RGL1: variants seen among roughly 807,000 people sequenced by gnomAD.
RGL1 encodes ral guanine nucleotide dissociation stimulator like 1.
Under a neutral mutation model 95.2 loss-of-function variants are expected in RGL1, and 24 were observed. The observed-to-expected ratio is 0.25, with a 90% confidence interval of 0.18 to 0.35. The LOEUF is 0.35. Ranked by LOEUF, RGL1 falls within the 10% of genes least tolerant of loss-of-function variation. The probability of loss-of-function intolerance (pLI) is 1.00; values close to 1 mark genes in which losing one functional copy is unlikely to be tolerated. For missense variants in RGL1, 715 were observed against 936.3 expected (o/e 0.76, Z 3.08); for synonymous variants, 329 against 344.9 (o/e 0.95, Z 0.51).
intron 2 of RGL1, among the ~76,000 whole-genome samples, chr1:183,818,573 A>G (rs568323382): frequency 7.4e-6 from 1 of 135,358 alleles, no homozygotes; most frequent in African/African-American, 2.8e-5. Flanking sequence ...GCTGTATTAC[A>G]GCACTTATCA....
rs80229786 is a variant in RGL1, at chr1:183,808,040, A to C, written c.138+1555A>C. 2.6e-3 allele frequency among the ~76,000 whole-genome samples: 394 copies of C among 152,226 alleles called. 2 individuals are homozygous for C. Among genetic ancestry groups the C allele is most frequent in the African/African-American group, 9.0e-3 (374 of 41,518 alleles). ...CATTACATTTTTTTGGTATCAGGTT[A>C]TTCCTCTCTTTCTAATGAGACTGAC... On this transcript the variant is annotated intron_variant, in intron 2 of 17. Transcript: ENST00000360851.
chr1:183,753,877 C>T (rs1475567385), intron 2 of RGL1, among the ~76,000 whole-genome samples: 1 of 151,656 alleles, frequency 6.6e-6, no homozygotes, highest in African/African-American at 2.4e-5. Flanking sequence ...TCTCAGTGTA[C>T]TATCTGTTGT....
intron 2 of RGL1, among the ~76,000 whole-genome samples, chr1:183,764,615 C>A (rs1284693907): frequency 2.0e-5 from 3 of 152,104 alleles, no homozygotes; most frequent in African/African-American, 7.2e-5. Flanking sequence ...TGGTTCCAGT[C>A]CTGATCTTTC....
rs1650442287 is a variant in RGL1, at chr1:183,648,149, A to C, written c.-33+11648A>C. 2 of 1,614,204 alleles carry C rather than the reference A, an allele frequency of 1.2e-6. No individual in the cohort carries two copies. Among genetic ancestry groups the C allele is most frequent in the Non-Finnish European group, 1.7e-6 (2 of 1,180,018 alleles). ...GTGCTCTCCCAGTTAAAATGGGCTGAAAAACATGTGATCCTGAGACACCAC... is the reference window on the plus strand; with the variant it reads ...GTGCTCTCCCAGTTAAAATGGGCTGCAAAACATGTGATCCTGAGACACCAC... On this transcript the variant is annotated intron_variant, in intron 1 of 18. Transcript: ENST00000304685.
At chr1:183,817,507 C>G (rs1213453339) in intron 2 of RGL1, among the ~76,000 whole-genome samples, 1 of 152,096 alleles carries the variant, frequency 6.6e-6, no homozygotes, top group Admixed American at 6.6e-5. Flanking sequence ...TTTGGCTGCT[C>G]GGCCACAAAT....
At chr1:183,647,613 C>T in intron 1 of RGL1, 1 of 1,499,312 alleles carries the variant, frequency 6.7e-7, no homozygotes, top group Admixed American at 2.2e-5. Flanking sequence ...AGAAAGTTTC[C>T]AGATTTTTAT....
intron 2 of RGL1, among the ~76,000 whole-genome samples, chr1:183,819,758 T>TAA (rs1193062538): frequency 6.6e-6 from 1 of 151,896 alleles, no homozygotes; most frequent in Non-Finnish European, 1.5e-5. Flanking sequence ...ATGCCATTCT[T>TAA]AAAAGAGTGT....
At chr1:183,802,980 T>TA (rs1661078724), upstream of RGL1, among the ~76,000 whole-genome samples, 1 of 152,230 alleles carries the variant, frequency 6.6e-6, no homozygotes, top group Non-Finnish European at 1.5e-5. Context: ...AATAAGGTAA[T>TA]ATGGACTGAA....
At chr1:183,709,788 G>C (rs1655151480) in intron 1 of RGL1, 1 of 208,932 alleles carries the variant, frequency 4.8e-6, no homozygotes, top group Non-Finnish European at 1.0e-5. Context: ...GCTAGTTGTT[G>C]ATCTTGACTT....
At chr1:183,689,112 T>G (rs78387249) in intron 1 of RGL1, among the ~76,000 whole-genome samples, 1,897 of 152,284 alleles carry the variant, frequency 0.012, 46 homozygotes, top group African/African-American at 0.044. Flanking sequence ...GAATGTTGAG[T>G]CAGCCACGTG....
At chr1:183,700,154 A>G (rs1304741583) in intron 1 of RGL1, among the ~76,000 whole-genome samples, 1 of 152,160 alleles carries the variant, frequency 6.6e-6, no homozygotes, top group Non-Finnish European at 1.5e-5. Context: ...GTAATAGGGA[A>G]TTGCCCACCC....
intron 4 of RGL1, among the ~76,000 whole-genome samples, chr1:183,878,390 G>T (rs2102631038): frequency 6.6e-6 from 1 of 151,696 alleles, no homozygotes; most frequent in South Asian, 2.1e-4. Flanking sequence ...TAGAGATGGG[G>T]TTTCGCCACG....
At chr1:183,782,796 T>C (rs1470840462) in intron 2 of RGL1, among the ~76,000 whole-genome samples, 1 of 152,158 alleles carries the variant, frequency 6.6e-6, no homozygotes, top group Non-Finnish European at 1.5e-5. Context: ...AAAGTAATGA[T>C]GCACAGTCTC....
At chr1:183,680,068 G>GT (rs1468486552) in intron 1 of RGL1, among the ~76,000 whole-genome samples, 1 of 152,050 alleles carries the variant, frequency 6.6e-6, no homozygotes, top group South Asian at 2.1e-4. Flanking sequence ...GGGGTTGTTT[G>GT]TTTTTTTCTT....
chr1:183,928,130 T>C lies in RGL1; in HGVS notation c.*1838T>C, dbSNP rs557803409. ...CAGCCCTCATGCAGGTTGAAGTATA[T>C]GTAGCCTCAGCCTGATATTCTTGGT... On this transcript the variant is annotated 3_prime_UTR_variant, in exon 18 of 18. Coordinates refer to ENST00000360851, the MANE Select transcript of RGL1 (RefSeq NM_001297671.3). 123 of 152,052 alleles carry C rather than the reference T, an allele frequency of 8.1e-4. No homozygotes were observed. The highest frequency in any genetic ancestry group is 2.8e-3 in the African/African-American group (115 of 41,318). The allele number at this position is 152,052 out of a possible 1,614,324, so 9.4% of individuals were successfully genotyped here. A position where few individuals can be genotyped will look rare whatever the true frequency, so the allele number is the denominator to read the frequency against.
chr1:183,789,629 T>C (rs1243060413), intron 2 of RGL1, among the ~76,000 whole-genome samples: 3 of 152,174 alleles, frequency 2.0e-5, no homozygotes, highest in Non-Finnish European at 4.4e-5. Flanking sequence ...TATATTATTA[T>C]AAGCAAGGCT....
At chr1:183,664,400 G>A (rs1050348573) in intron 1 of RGL1, among the ~76,000 whole-genome samples, 2 of 151,976 alleles carry the variant, frequency 1.3e-5, no homozygotes, top group African/African-American at 4.8e-5. Context: ...TACGTGCTCT[G>A]TGGCAACAAT....
intron 1 of RGL1, among the ~76,000 whole-genome samples, chr1:183,695,447 A>G (rs1351790820): frequency 1.3e-5 from 2 of 152,210 alleles, no homozygotes; most frequent in East Asian, 1.9e-4. Flanking sequence ...CCTGTTCTAC[A>G]GAAAAAGAAA....
In RGL1 at chr1:183,918,207, A is replaced by G. The variant is rs138157658; in HGVS notation, c.2004+1506A>G. 5.3e-3 allele frequency among the ~76,000 whole-genome samples: 814 copies of G among 152,318 alleles called. 8 individuals carry two copies. The highest frequency in any genetic ancestry group is 0.01 in the Middle Eastern group (3 of 294). On this transcript the variant is annotated intron_variant, in intron 16 of 17. Coordinates refer to ENST00000360851, the MANE Select transcript of RGL1 (RefSeq NM_001297671.3). ...TGGCATTGTCTGATAGATGGTCAGAAACATGGGCTGGTGCAAGGCTGGTGC... is the reference window on the plus strand; with the variant it reads ...TGGCATTGTCTGATAGATGGTCAGAGACATGGGCTGGTGCAAGGCTGGTGC...
Sources: allele counts gnomAD v4.1 joint callset (sites outside exome capture counted in the v4.1 genomes callset), GRCh38; gene constraint gnomAD v4.1.1; transcripts MANE v1.5; gene names NCBI Gene and HGNC (gene_info 2026-07-23, HGNC 2026-07-21).